The following REEP3 variants were observed in gnomAD, a reference collection of about 807,000 sequenced individuals.
REEP3 encodes receptor expression-enhancing protein 3.
In REEP3, 20 loss-of-function variants were observed where a neutral mutation model predicts 41.3. That is an observed-to-expected ratio of 0.48 (90% CI 0.34 to 0.70). REEP3 has a LOEUF of 0.70. Among genes scored for constraint, REEP3 ranks in the 30% least tolerant of loss-of-function variants. REEP3 has a pLI of 0.01. For missense variants in REEP3, 271 were observed against 308.8 expected, an observed-to-expected ratio of 0.88 and a Z score of 0.92; for synonymous variants, 104 against 101.8, an observed-to-expected ratio of 1.02 and a Z score of -0.13.
rs557648337 is a variant in REEP3 at position 63,564,404 on chromosome 10, C to G, written c.33-1934C>G. On this transcript the variant is annotated intron_variant, in intron 1 of 7. Transcript: ENST00000373758. ...TTGGGAGGCTGAGGCAGGCAGATTG[C>G]TTGAGGTCAGGAGTTCGAGACCAGC... Among the ~76,000 whole-genome samples the G allele has an allele frequency of 5.9e-5, 9 of 152,244 alleles. No individual in the cohort carries two copies. The East Asian group carries it at 1.7e-3, about 29-fold the overall frequency.
intron 5 of REEP3, among the ~76,000 whole-genome samples, chr10:63,600,224 A>G (rs7915849): frequency 0.06 from 9,206 of 152,256 alleles, 481 homozygotes; most frequent in African/African-American, 0.13. Flanking sequence ...TATATAACTA[A>G]TAGTGAAGGG....
At position 63,597,204 on chromosome 10, in the gene REEP3, C is replaced by T. The variant is rs1316121020; in HGVS notation, c.183-820C>T. 2.6e-5 allele frequency among the ~76,000 whole-genome samples: 4 copies of T among 152,116 alleles called. No homozygotes were observed. In the South Asian group the frequency reaches 6.2e-4, roughly 24 times the overall value. On this transcript the variant is annotated intron_variant, in intron 3 of 7. Coordinates refer to ENST00000373758, the MANE Select transcript of REEP3 (RefSeq NM_001001330.3). ...ACTTTGTATTTTCCTTGGAAGTGAA[C>T]AGTTTAGGTCTGCAGAGTGCTGCAA...
At chr10:63,550,063 G>C (rs777849635) in intron 1 of REEP3, among the ~76,000 whole-genome samples, 6 of 152,250 alleles carry the variant, frequency 3.9e-5, no homozygotes, top group Non-Finnish European at 5.9e-5. Context: ...AGTGGACACA[G>C]AGGAATGTGT....
intron 2 of REEP3, among the ~76,000 whole-genome samples, chr10:63,567,212 T>A (rs1361941197): frequency 7.4e-6 from 1 of 134,690 alleles, no homozygotes; most frequent in Non-Finnish European, 1.7e-5. Context: ...TAAATTGAGG[T>A]GACATTCACA....
At chr10:63,524,941 G>A (rs1744008491) in intron 1 of REEP3, among the ~76,000 whole-genome samples, 1 of 151,692 alleles carries the variant, frequency 6.6e-6, no homozygotes. Context: ...GAACCCTGGA[G>A]GCAAAGGTTG....
intron 6 of REEP3, among the ~76,000 whole-genome samples, chr10:63,617,617 C>G (rs1956321206): frequency 6.6e-6 from 1 of 151,930 alleles, no homozygotes; most frequent in Non-Finnish European, 1.5e-5. Context: ...CCAGGCTGAT[C>G]TCAAACTCCT....
intron 1 of REEP3, among the ~76,000 whole-genome samples, chr10:63,537,920 GTACA>G (rs1381519919): frequency 6.6e-6 from 1 of 152,042 alleles, no homozygotes; most frequent in African/African-American, 2.4e-5. Flanking sequence ...GGTTCTGGAG[GTACA>G]TACATAGATA....
At chr10:63,576,162 A>G (rs1955897163) in intron 2 of REEP3, among the ~76,000 whole-genome samples, 1 of 152,164 alleles carries the variant, frequency 6.6e-6, no homozygotes, top group Non-Finnish European at 1.5e-5. Flanking sequence ...TTTTAGGATA[A>G]TAATGAAAAG....
At chr10:63,522,082 G>C (rs1432854940) in intron 1 of REEP3, among the ~76,000 whole-genome samples, 1 of 152,104 alleles carries the variant, frequency 6.6e-6, no homozygotes, top group Non-Finnish European at 1.5e-5. Context: ...GATGCGTTGC[G>C]GTGTCTCTCT....
intron 1 of REEP3, among the ~76,000 whole-genome samples, chr10:63,564,040 G>C (rs779566417): frequency 1.3e-5 from 2 of 152,076 alleles, no homozygotes; most frequent in African/African-American, 4.8e-5. Context: ...AAGGAGACTA[G>C]GTAAAAACTA....
chr10:63,560,077 C>T (rs943032479), intron 1 of REEP3, among the ~76,000 whole-genome samples: 4 of 151,916 alleles, frequency 2.6e-5, no homozygotes, highest in Admixed American at 1.3e-4. Context: ...ATTATGTTTA[C>T]AAGTAATGAT....
intron 5 of REEP3, among the ~76,000 whole-genome samples, chr10:63,604,232 A>G (rs1430321901): frequency 6.6e-6 from 1 of 152,230 alleles, no homozygotes; most frequent in Non-Finnish European, 1.5e-5. Flanking sequence ...CCTCATTACC[A>G]GGCATCTGTT....
At chr10:63,541,511 G>A (rs923852389) in intron 1 of REEP3, among the ~76,000 whole-genome samples, 2 of 152,148 alleles carry the variant, frequency 1.3e-5, no homozygotes, top group African/African-American at 4.8e-5. Context: ...CAAAAACAAA[G>A]TGGTAGCATT....
intron 1 of REEP3, among the ~76,000 whole-genome samples, chr10:63,530,996 AAACT>A (rs1476914229): frequency 6.6e-6 from 1 of 152,230 alleles, no homozygotes; most frequent in African/African-American, 2.4e-5. Context: ...CATGTTTACA[AAACT>A]AACTGTTAAG....
chr10:63,534,502 G>T (rs942582234), intron 1 of REEP3, among the ~76,000 whole-genome samples: 2 of 152,100 alleles, frequency 1.3e-5, no homozygotes, highest in African/African-American at 4.8e-5. Flanking sequence ...CTCCTTCCTT[G>T]GTCTCCCAAA....
rs563610517 is a variant in REEP3, at chr10:63,620,887, A to G, written c.*18A>G. On this transcript the variant is annotated 3_prime_UTR_variant, in exon 8 of 8. Coordinates refer to ENST00000373758, the MANE Select transcript of REEP3 (RefSeq NM_001001330.3). ...ATTTTTAGTCATCTACACGTCAAATATCCCAAGACAGATTATGCTAAATAC... is the reference window on the plus strand; with the variant it reads ...ATTTTTAGTCATCTACACGTCAAATGTCCCAAGACAGATTATGCTAAATAC... The G allele has an allele frequency of 8.4e-6, 13 of 1,546,888 alleles. No homozygotes were observed. The East Asian group carries it at 2.5e-4, about 29-fold the overall frequency.
intron 1 of REEP3, among the ~76,000 whole-genome samples, chr10:63,532,661 A>G (rs1268782063): frequency 6.6e-6 from 1 of 151,908 alleles, no homozygotes; most frequent in East Asian, 1.9e-4. Context: ...GTCAAAAAAA[A>G]AAAAAGAAAA....
chr10:63,562,701 GCAAT>G (rs751264764), intron 1 of REEP3: 8 of 388,812 alleles, frequency 2.1e-5, no homozygotes, highest in Non-Finnish European at 4.1e-5. Flanking sequence ...GCCCTCTGCA[GCAAT>G]CAATCAATTG....
rs561416088 is a variant in REEP3, at chr10:63,602,736, G to T, written c.417+3453G>T. Among the ~76,000 whole-genome samples, 7 of 152,266 alleles carry T rather than the reference G, an allele frequency of 4.6e-5. No homozygotes were observed. The South Asian group carries it at 1.5e-3, about 32-fold the overall frequency. ...TTTACTACTCCCACGTAGGGCATCA[G>T]CAGTCCCCACTCTATTATCTTATCC... On this transcript the variant is annotated intron_variant, in intron 5 of 7. Coordinates refer to ENST00000373758, the MANE Select transcript of REEP3 (RefSeq NM_001001330.3).
Sources: allele counts gnomAD v4.1 joint callset (sites outside exome capture counted in the v4.1 genomes callset), GRCh38; gene constraint gnomAD v4.1.1; transcripts MANE v1.5; gene names NCBI Gene and HGNC (gene_info 2026-07-23, HGNC 2026-07-21).